The following PPL variants were observed in gnomAD, a reference collection of about 807,000 sequenced individuals.
PPL encodes the protein periplakin, also known as 190 kDa paraneoplastic pemphigus antigen.
In PPL, 198 loss-of-function variants were observed where a neutral mutation model predicts 194.4. The observed-to-expected ratio is 1.02, with a 90% CI of 0.91 to 1.15. PPL has a LOEUF of 1.15. Among genes scored for constraint, PPL ranks in the 50% most tolerant of loss-of-function variants. PPL has a pLI of 0.00. For missense variants in PPL, 2,885 were observed against 2,294.8 expected (o/e 1.26, Z -5.25); for synonymous variants, 1,220 against 972.4 (o/e 1.25, Z -4.74).
Position 4,895,323 on chromosome 16 carries a change from G to T in PPL, c.1180C>A (p.Arg394Ser). The change falls in exon 11 of 22, where the codon CGC (arginine) becomes AGC (serine). Residue 394 changes from arginine to serine, a missense_variant. Arg to Ser is a moderately radical substitution (Grantham distance 110). Coordinates refer to ENST00000345988, the MANE Select transcript of PPL (RefSeq NM_002705.5). ...ATGGGCTTGAGCGGAGTCTCCCGGCGGTACTTGAGGGGCACCACCTGCTGG... is the reference window on the plus strand; with the variant it reads ...ATGGGCTTGAGCGGAGTCTCCCGGCTGTACTTGAGGGGCACCACCTGCTGG... ...RGQQVVPLKY[R>S]RETPLKPIPV... 6.2e-7 allele frequency: 1 copy of T among 1,613,346 alleles called. No individual in the cohort carries two copies. The highest frequency in any genetic ancestry group is 1.1e-5 in the South Asian group (1 of 91,082).
chr16:4,935,955 G>T (rs1449335741), intron 1 of PPL, among the ~76,000 whole-genome samples: 2 of 152,174 alleles, frequency 1.3e-5, no homozygotes, highest in African/African-American at 4.8e-5. Context: ...CGAGAAGCTG[G>T]CAAAATGGTC....
At chr16:4,926,676 C>T (rs1272839775) in intron 1 of PPL, among the ~76,000 whole-genome samples, 1 of 152,010 alleles carries the variant, frequency 6.6e-6, no homozygotes, top group Non-Finnish European at 1.5e-5. Context: ...GAGATTGAGA[C>T]CATCCTGGCT....
intron 2 of PPL, 144 bp from the exon 3 acceptor site, chr16:4,904,184 C>T (rs575030454): frequency 7.0e-6 from 6 of 859,408 alleles, no homozygotes; most frequent in African/African-American, 3.4e-5. Context: ...CCATATGGAG[C>T]GCAGTCGGTA....
intron 6 of PPL, among the ~76,000 whole-genome samples, chr16:4,900,407 C>CTCCTGATT (rs1468087530): frequency 1.5e-5 from 2 of 136,078 alleles, no homozygotes; most frequent in African/African-American, 5.4e-5. Context: ...CTCAACCCCT[C>CTCCTGATT]TCCTGATTGA....
At chr16:4,900,772 T>C in intron 6 of PPL, 58 bp downstream of exon 6, 1 of 1,610,120 alleles carries the variant, frequency 6.2e-7, no homozygotes, top group South Asian at 1.1e-5. Flanking sequence ...TCCCCCCGAC[T>C]CCAAGCTTCC....
chr16:4,918,748 GT>G (rs1454365219), intron 1 of PPL, among the ~76,000 whole-genome samples: 1 of 152,158 alleles, frequency 6.6e-6, no homozygotes, highest in Admixed American at 6.5e-5. Flanking sequence ...GCGGTCCTGT[GT>G]TCCCCCCACC....
intron 1 of PPL, among the ~76,000 whole-genome samples, chr16:4,933,174 C>G (rs1373217279): frequency 6.6e-6 from 1 of 151,978 alleles, no homozygotes; most frequent in Non-Finnish European, 1.5e-5. Flanking sequence ...GCTAATAAAA[C>G]ACTGTGTTCT....
chr16:4,895,345 C>A lies in PPL; in HGVS notation c.1158G>T (p.Gln386His). Residue 386 changes from glutamine (Q) to histidine (H), a missense_variant, in exon 11 of 22, where the codon CAG (glutamine) becomes CAT (histidine). Coordinates refer to ENST00000345988, the MANE Select transcript of PPL (RefSeq NM_002705.5). ...DVVQGLQKRG[Q>H]QVVPLKYRRE... is the part of the protein sequence containing the mutation. ...GGCGGTACTTGAGGGGCACCACCTGCTGGCCTCGCTTCTGCAGCCCCTGCA... is the reference window on the plus strand; with the variant it reads ...GGCGGTACTTGAGGGGCACCACCTGATGGCCTCGCTTCTGCAGCCCCTGCA... 6.2e-7 allele frequency: 1 copy of A among 1,613,424 alleles called. No individual in the cohort carries two copies. The highest frequency in any genetic ancestry group is 8.5e-7 in the Non-Finnish European group (1 of 1,179,970).
intron 8 of PPL, among the ~76,000 whole-genome samples, chr16:4,898,153 G>A (rs1174173124): frequency 6.6e-6 from 1 of 152,200 alleles, no homozygotes; most frequent in African/African-American, 2.4e-5. Context: ...CGAGGCGGGT[G>A]GATCACCTGA....
Position 4,895,403 on chromosome 16 carries a change from T to C in PPL, c.1100A>G (p.Gln367Arg). The change falls in exon 11 of 22, where the codon CAG becomes CGG. Residue 367 changes from glutamine to arginine, a missense_variant. By Grantham distance (43) the Gln-to-Arg change is conservative. Transcript: ENST00000345988. The stretch of plus-strand genomic sequence containing the variant: ...CTCATACTTGTCCAGCACCTTCTCC[T>C]GGTCCTGGAGAGAACGGGGTCAGGG... ...IELLLRELDD[Q>R]EKVLDKYEDV... 6.2e-7 allele frequency: 1 copy of C among 1,613,188 alleles called. No homozygotes were observed. Among genetic ancestry groups the C allele is most frequent in the South Asian group, 1.1e-5 (1 of 91,076 alleles).
At chr16:4,891,576 C>T in intron 16 of PPL, 1 of 508,022 alleles carries the variant, frequency 2.0e-6, no homozygotes, top group Non-Finnish European at 3.4e-6. Context: ...ACTACACTGG[C>T]TATTGCAGAT....
chr16:4,928,542 AT>A (rs2089188075), intron 1 of PPL, among the ~76,000 whole-genome samples: 1 of 152,196 alleles, frequency 6.6e-6, no homozygotes, highest in Non-Finnish European at 1.5e-5. Context: ...AACTTGCAGA[AT>A]TTTTTGCTGC....
chr16:4,911,654 C>A (rs1380213830), intron 1 of PPL, among the ~76,000 whole-genome samples: 1 of 152,138 alleles, frequency 6.6e-6, no homozygotes, highest in South Asian at 2.1e-4. Flanking sequence ...CCTAGCCCAG[C>A]CTCCCAAGTA....
chr16:4,907,219 G>A (rs1281013937), intron 2 of PPL, among the ~76,000 whole-genome samples: 6 of 151,798 alleles, frequency 4.0e-5, no homozygotes, highest in Non-Finnish European at 7.4e-5. Context: ...TCGTGATTGC[G>A]CCACTGCACT....
chr16:4,884,227 C>T lies in PPL; in HGVS notation c.4428G>A (p.Leu1476=). 6.2e-7 allele frequency: 1 copy of T among 1,613,838 alleles called. No individual in the cohort carries two copies. Among genetic ancestry groups the T allele is most frequent in the Non-Finnish European group, 8.5e-7 (1 of 1,179,962 alleles). The change falls in exon 22 of 22, where the codon CTG becomes CTA. Residue 1476 remains leucine, a synonymous_variant. Transcript: ENST00000345988. This position sits in a 1 kb window ranked among gnomAD's most constrained non-coding sequence, Gnocchi z 5.7. ...LEEEQHRRQL[L]EGELETLRRK... is the part of the protein sequence containing the mutation. ...TCCGGAGGGTCTCGAGCTCCCCCTC[C>T]AGGAGCTGCCGCCGGTGCTGCTCTT...
Position 4,894,498 on chromosome 16 carries a change from T to TGGGG in PPL, c.1359_1362dup (p.Thr455ProfsTer5), listed in dbSNP as rs753902804. 1.2e-6 allele frequency: 2 copies of TGGGG among 1,613,408 alleles called. No individual in the cohort carries two copies. ...GCCAGAGCCAGGGCCTCAGGGTCTG[T>TGGGG]GGGGGGGATCACAAAACACACGGCC... On this transcript the variant is annotated frameshift_variant, in exon 12 of 22. Coordinates refer to ENST00000345988, the MANE Select transcript of PPL (RefSeq NM_002705.5). LOFTEE classifies it high-confidence loss of function.
chr16:4,914,124 A>G (rs904290832), intron 1 of PPL, among the ~76,000 whole-genome samples: 1 of 152,174 alleles, frequency 6.6e-6, no homozygotes, highest in Non-Finnish European at 1.5e-5. Context: ...GAAGGCTCCA[A>G]TGAGGACACG....
chr16:4,900,434 C>CT lies in PPL; in HGVS notation c.606+395dup, dbSNP rs1217002366. Among the ~76,000 whole-genome samples, 339 of 61,636 alleles carry CT rather than the reference C, an allele frequency of 5.5e-3. 14 individuals are homozygous for CT. The highest frequency in any genetic ancestry group is 5.4e-3 in the African/African-American group (98 of 18,204). 40.4% of individuals were successfully genotyped at this position (61,636 alleles called of 152,430 possible). On this transcript the variant is annotated intron_variant, in intron 6 of 21. Coordinates refer to ENST00000345988, the MANE Select transcript of PPL (RefSeq NM_002705.5). ...CCTGATTGAAACGTTTACTGCACGCCTTTTTTTTTTTTTTTTTTTTTTAAA... is the reference window on the plus strand; with the variant it reads ...CCTGATTGAAACGTTTACTGCACGCCTTTTTTTTTTTTTTTTTTTTTTTAAA...
chr16:4,884,499 G>A lies in PPL; in HGVS notation c.4156C>T (p.Arg1386Trp), dbSNP rs147165866. 106 of 1,608,374 alleles carry A rather than the reference G, an allele frequency of 6.6e-5. No individual in the cohort carries two copies. The highest frequency in any genetic ancestry group is 1.7e-4 in the Middle Eastern group (1 of 6,056). Residue 1386 changes from arginine to tryptophan, a missense_variant, in exon 22 of 22, where the codon CGG becomes TGG. Coordinates refer to ENST00000345988, the MANE Select transcript of PPL (RefSeq NM_002705.5). The surrounding 1 kb of genome is among the most constrained non-coding windows in gnomAD (Gnocchi z 5.7). ...DVELRQIDKL[R>W]AELRRLQRRR... Reference sequence around the variant, plus strand: ...CGCTGCAGCCGCCGCAGCTCTGCCCGCAGCTTGTCAATCTGCCGCAGCTCC... The same window carrying A: ...CGCTGCAGCCGCCGCAGCTCTGCCCACAGCTTGTCAATCTGCCGCAGCTCC...
Sources: gnomAD v4.1 joint callset for allele counts (sites outside exome capture counted in the v4.1 genomes callset) on GRCh38, gnomAD v4.1.1 for gene constraint, Gnocchi (gnomAD v3.1) non-coding constraint, MANE v1.5 for transcripts, NCBI Gene and HGNC (gene_info 2026-07-23, HGNC 2026-07-21) for gene names.